Variants in TBC1D32 observed in about 807,000 individuals in gnomAD.
TBC1D32 encodes the protein protein broad-minded.
Under a neutral mutation model 170.3 loss-of-function variants are expected in TBC1D32, and 151 were observed. The ratio of observed to expected loss-of-function variants is 0.89; its 90% CI spans 0.78 to 1.01. The LOEUF is 1.01. TBC1D32 is among the 50% of genes least tolerant of loss of function. TBC1D32 has a pLI of 0.00. For missense variants in TBC1D32, 1,464 were observed against 1,457.1 expected, an observed-to-expected ratio of 1.00 and a Z score of -0.08; for synonymous variants, 498 against 488.0, an observed-to-expected ratio of 1.02 and a Z score of -0.27.
intron 3 of TBC1D32, among the ~76,000 whole-genome samples, chr6:121,311,477 C>T (rs1358424933): frequency 2.6e-5 from 4 of 152,120 alleles, no homozygotes; most frequent in African/African-American, 9.7e-5. Context: ...CACCCATAAT[C>T]CCAGCACTTT....
chr6:121,291,157 AAAAG>A (rs1011939149), intron 12 of TBC1D32, among the ~76,000 whole-genome samples: 4 of 151,806 alleles, frequency 2.6e-5, no homozygotes, highest in African/African-American at 4.8e-5. Context: ...AATAAAAAAA[AAAAG>A]AAAGAAAGAA....
chr6:121,172,244 T>C (rs990362109), intron 22 of TBC1D32, among the ~76,000 whole-genome samples: 3 of 152,170 alleles, frequency 2.0e-5, no homozygotes, highest in African/African-American at 7.2e-5. Flanking sequence ...CAGGTATGTC[T>C]TTATCAGCAG....
At position 121,319,164 on chromosome 6, in the gene TBC1D32, C is replaced by T. The variant is rs549087143; in HGVS notation, c.318-1492G>A. ...TTAAGTACCAGAAATTACGAGAAAACACAAAAATACTGAAAGCAGATGGAA... is the reference window on the plus strand; with the variant it reads ...TTAAGTACCAGAAATTACGAGAAAATACAAAAATACTGAAAGCAGATGGAA... On this transcript the variant is annotated intron_variant, in intron 2 of 31. Coordinates refer to ENST00000398212, the MANE Select transcript of TBC1D32 (RefSeq NM_152730.6). Among the ~76,000 whole-genome samples, 144 of 151,430 alleles carry T rather than the reference C, an allele frequency of 9.5e-4. 1 individual carries two copies. Among genetic ancestry groups the T allele is most frequent in the African/African-American group, 3.3e-3 (137 of 41,318 alleles).
At chr6:121,087,646 TTC>T (rs1416649798) in intron 31 of TBC1D32, among the ~76,000 whole-genome samples, 1 of 152,214 alleles carries the variant, frequency 6.6e-6, no homozygotes, top group Admixed American at 6.5e-5. Flanking sequence ...TGAAAATGAA[TTC>T]TGTTAGGCCC....
chr6:121,150,141 C>T (rs941874114), intron 24 of TBC1D32, among the ~76,000 whole-genome samples: 3 of 152,154 alleles, frequency 2.0e-5, no homozygotes, highest in Admixed American at 6.5e-5. Flanking sequence ...ATGACATTGG[C>T]TGTGGGTTTC....
intron 24 of TBC1D32, among the ~76,000 whole-genome samples, chr6:121,141,240 A>C (rs952681317): frequency 1.3e-5 from 2 of 152,182 alleles, no homozygotes; most frequent in African/African-American, 4.8e-5. Context: ...AGGTGGAGAT[A>C]ACTTCTCTGA....
rs149205163 is a variant in TBC1D32 at position 121,097,673 on chromosome 6, C to T, written c.3466-6632G>A. Among the ~76,000 whole-genome samples the T allele has an allele frequency of 8.6e-3, 1,309 of 152,186 alleles. 9 individuals are homozygous for T. Among genetic ancestry groups the T allele is most frequent in the South Asian group, 0.04 (193 of 4,822 alleles). ...ATCTAGAACTAGAAATACCATTTGA[C>T]CCAGCCATCCCATTACTGGTTATAT... On this transcript the variant is annotated intron_variant, in intron 30 of 31. Coordinates refer to ENST00000398212, the MANE Select transcript of TBC1D32 (RefSeq NM_152730.6).
At chr6:121,321,834 T>C in intron 1 of TBC1D32, 40 bp from the exon 2 acceptor site, 1 of 1,550,044 alleles carries the variant, frequency 6.5e-7, no homozygotes, top group Non-Finnish European at 8.7e-7. Flanking sequence ...GTAAATATCA[T>C]AAGCATATTC....
At chr6:121,302,078 T>C (rs988450516) in intron 9 of TBC1D32, among the ~76,000 whole-genome samples, 4 of 152,208 alleles carry the variant, frequency 2.6e-5, no homozygotes, top group East Asian at 1.9e-4. Flanking sequence ...GAAGTTGATA[T>C]AGTATTAAGC....
At chr6:121,105,342 G>A (rs942306708) in intron 30 of TBC1D32, among the ~76,000 whole-genome samples, 4 of 151,844 alleles carry the variant, frequency 2.6e-5, no homozygotes, top group African/African-American at 9.7e-5. Context: ...TATGAGTCAC[G>A]AGCCTTAAAA....
At chr6:121,279,621 A>G (rs1021539530) in intron 14 of TBC1D32, among the ~76,000 whole-genome samples, 1 of 151,896 alleles carries the variant, frequency 6.6e-6, no homozygotes, top group African/African-American at 2.4e-5. Context: ...TATATATGGT[A>G]TCTAACACAC....
Position 121,299,429 on chromosome 6 carries a change from C to A in TBC1D32, c.1140+17G>T. 1 of 1,488,480 alleles carries A rather than the reference C, an allele frequency of 6.7e-7. No homozygotes were observed. The highest frequency in any genetic ancestry group is 9.2e-7 in the Non-Finnish European group (1 of 1,090,180). The allele number at this position is 1,488,480 out of a possible 1,614,324, so 92.2% of individuals were successfully genotyped here. A position where few individuals can be genotyped will look rare whatever the true frequency, so the allele number is the denominator to read the frequency against. ...GTGATATTATTTCTCAACATAAAAACAGAATTACAGACTTACCAGAGACTT... is the reference window on the plus strand; with the variant it reads ...GTGATATTATTTCTCAACATAAAAAAAGAATTACAGACTTACCAGAGACTT... On this transcript the variant is annotated intron_variant, in intron 10 of 31. Coordinates refer to ENST00000398212, the MANE Select transcript of TBC1D32 (RefSeq NM_152730.6).
chr6:121,283,862 T>C lies in TBC1D32; in HGVS notation c.1421A>G (p.Tyr474Cys), dbSNP rs767069299. 17 of 1,611,390 alleles carry C rather than the reference T, an allele frequency of 1.1e-5. No homozygotes were observed. The highest frequency in any genetic ancestry group is 1.7e-4 in the Middle Eastern group (1 of 5,996). Reference sequence around the variant, plus strand: ...CATCTTTGGACAACTTGGTGAGTAATAGATAAGTTGGGTAAAAAGAACAAG... The same window carrying C: ...CATCTTTGGACAACTTGGTGAGTAACAGATAAGTTGGGTAAAAAGAACAAG... ...DLLVLFTQLIYYSPSCPKMTS... is the reference protein window; with the variant it reads ...DLLVLFTQLICYSPSCPKMTS... Residue 474 changes from tyrosine (Y) to cysteine (C), a missense_variant, in exon 13 of 32, where the codon TAT becomes TGT. Around this residue, in one of 3 missense-constraint regions of TBC1D32, gnomAD observed 1,363 missense variants for 1,338.1 expected, o/e 1.02. Coordinates refer to ENST00000398212, the MANE Select transcript of TBC1D32 (RefSeq NM_152730.6).
chr6:121,090,728 T>C, intron 31 of TBC1D32, 125 bp downstream of exon 31: 1 of 809,932 alleles, frequency 1.2e-6, no homozygotes, highest in African/African-American at 1.7e-5. Context: ...ATGGGGATGA[T>C]AATAGTATCT....
intron 31 of TBC1D32, among the ~76,000 whole-genome samples, chr6:121,082,255 T>C (rs1034140314): frequency 2.6e-5 from 4 of 152,160 alleles, no homozygotes; most frequent in Non-Finnish European, 4.4e-5. Flanking sequence ...ATTTTTATCC[T>C]ATGAATAGCA....
intron 24 of TBC1D32, among the ~76,000 whole-genome samples, chr6:121,145,308 T>C (rs1490631369): frequency 6.6e-6 from 1 of 152,172 alleles, no homozygotes; most frequent in Non-Finnish European, 1.5e-5. Flanking sequence ...AATCCTATCA[T>C]TTGTGACAAC....
chr6:121,289,647 A>G (rs1018487942), intron 12 of TBC1D32, among the ~76,000 whole-genome samples: 1 of 152,182 alleles, frequency 6.6e-6, no homozygotes, highest in African/African-American at 2.4e-5. Context: ...GGAAAAAACT[A>G]CTTTAAAGTT....
In TBC1D32 at chr6:121,150,991, G is replaced by C. The variant is rs900535530; in HGVS notation, c.2773+9019C>G. The stretch of plus-strand genomic sequence containing the variant: ...ATTGATTTTCTGAAGGGTCTTTTCT[G>C]TCTCTATCTCCTTCAGGTCTGCTCT... On this transcript the variant is annotated intron_variant, in intron 24 of 31. Coordinates refer to ENST00000398212, the MANE Select transcript of TBC1D32 (RefSeq NM_152730.6). 2.6e-5 allele frequency among the ~76,000 whole-genome samples: 4 copies of C among 151,996 alleles called. No homozygotes were observed. In the East Asian group the frequency reaches 5.8e-4, roughly 22 times the overall value.
chr6:121,098,983 A>G (rs1777722949), intron 30 of TBC1D32, among the ~76,000 whole-genome samples: 1 of 152,012 alleles, frequency 6.6e-6, no homozygotes, highest in South Asian at 2.1e-4. Flanking sequence ...CCCAGCATTC[A>G]TATCCTGCTT....
Sources: gnomAD v4.1 joint callset for allele counts (sites outside exome capture counted in the v4.1 genomes callset) on GRCh38, gnomAD v4.1.1 for gene constraint, gnomAD v4.1.1 regional missense constraint, MANE v1.5 for transcripts, NCBI Gene and HGNC (gene_info 2026-07-23, HGNC 2026-07-21) for gene names.